SOS2: variants seen among roughly 807,000 people sequenced by gnomAD.
SOS2 encodes son of sevenless homolog 2.
SOS2 carries 65 observed loss-of-function variants against 148.2 expected under a neutral mutation model. The observed-to-expected ratio is 0.44, with a 90% CI of 0.36 to 0.54. The LOEUF is 0.54. SOS2 is among the 20% of genes least tolerant of loss of function. SOS2 has a pLI of 0.00. For missense variants in SOS2, 1,341 were observed against 1,590.2 expected (o/e 0.84, Z 2.67); for synonymous variants, 539 against 537.1 (o/e 1.00, Z -0.05).
chr14:50,188,602 G>A lies in SOS2; in HGVS notation c.609C>T (p.Val203=), dbSNP rs1393643553. 1 of 1,609,068 alleles carries A rather than the reference G, an allele frequency of 6.2e-7. No homozygotes were observed. Among genetic ancestry groups the A allele is most frequent in the Non-Finnish European group, 8.5e-7 (1 of 1,177,206 alleles). The change falls in exon 5 of 23, where the codon GTC becomes GTT. Residue 203 remains valine, a synonymous_variant. Transcript: ENST00000216373. ...SSGELNYYDL[V]RTEIAEERQY... is the part of the protein sequence containing the mutation. ...GTCTTTCTTCTGCGATTTCAGTTCT[G>A]ACAAGATCATAGTAGTTTAATTCAC...
chr14:50,195,623 T>G (rs1342923136), intron 4 of SOS2, among the ~76,000 whole-genome samples: 3 of 151,986 alleles, frequency 2.0e-5, no homozygotes, highest in African/African-American at 7.2e-5. Flanking sequence ...TAGCTGGGCA[T>G]GGTGGCAGGC....
intron 4 of SOS2, among the ~76,000 whole-genome samples, chr14:50,189,216 G>A (rs568304759): frequency 2.0e-5 from 3 of 148,630 alleles, no homozygotes; most frequent in South Asian, 4.2e-4. Flanking sequence ...AAATAAAATC[G>A]AGTATGGCAA....
chr14:50,173,959 T>C (rs950274222), intron 8 of SOS2, among the ~76,000 whole-genome samples: 2 of 152,110 alleles, frequency 1.3e-5, no homozygotes, highest in Middle Eastern at 3.4e-3. Flanking sequence ...GGTTTGACCA[T>C]ATAATTTAAA....
At chr14:50,132,126 C>A (rs534259777) in intron 19 of SOS2, among the ~76,000 whole-genome samples, 1 of 152,048 alleles carries the variant, frequency 6.6e-6, no homozygotes, top group African/African-American at 2.4e-5. Context: ...AAATGAAACA[C>A]GGTTTCCCAG....
chr14:50,218,613 A>G (rs746266916), intron 1 of SOS2, among the ~76,000 whole-genome samples: 19 of 152,186 alleles, frequency 1.2e-4, no homozygotes, highest in Middle Eastern at 6.3e-3. Flanking sequence ...CAAAGAAGAT[A>G]TATGGAAGGC....
At chr14:50,188,214 C>A (rs756291156) in intron 5 of SOS2, among the ~76,000 whole-genome samples, 107 of 151,952 alleles carry the variant, frequency 7.0e-4, no homozygotes, top group Non-Finnish European at 1.4e-3. Context: ...ACCAGCCTGG[C>A]CAATATGAAG....
intron 11 of SOS2, 41 bp from the exon 12 acceptor site, chr14:50,157,162 A>T: frequency 6.3e-7 from 1 of 1,587,742 alleles, no homozygotes; most frequent in South Asian, 1.1e-5. Context: ...GTTCATACAT[A>T]ATGAAAATAC....
In SOS2 at chr14:50,157,050, C is replaced by T. The variant is rs1884844312; in HGVS notation, c.2006G>A (p.Ser669Asn). 1 of 1,612,612 alleles carries T rather than the reference C, an allele frequency of 6.2e-7. No individual in the cohort carries two copies. The highest frequency in any genetic ancestry group is 8.5e-7 in the Non-Finnish European group (1 of 1,179,254). The change falls in exon 12 of 23, where the codon AGT becomes AAT. Residue 669 changes from serine to asparagine, a missense_variant. This residue lies in a region of SOS2 where 408 missense variants were observed against 506.6 expected (regional missense o/e 0.81). Coordinates refer to ENST00000216373, the MANE Select transcript of SOS2 (RefSeq NM_006939.4). ...LAIEKGEQPISADLKRFRKEY... is the reference protein window; with the variant it reads ...LAIEKGEQPINADLKRFRKEY... ...CTTGCGAAATCTTTTAAGGTCTGCA[C>T]TGATTGGCTGCTCGCCTTTCTCTAT...
chr14:50,176,994 A>G (rs554288422), intron 7 of SOS2, among the ~76,000 whole-genome samples: 2 of 152,320 alleles, frequency 1.3e-5, no homozygotes, highest in African/African-American at 4.8e-5. Context: ...TGGGTGAAAG[A>G]GCGAGATTCC....
rs1883335710 is a variant in SOS2, at chr14:50,117,730, CTT to C, written c.*612_*613del. 6.6e-6 allele frequency: 1 copy of C among 152,178 alleles called. No individual in the cohort carries two copies. Among genetic ancestry groups the C allele is most frequent in the Non-Finnish European group, 1.5e-5 (1 of 68,054 alleles). The allele number at this position is 152,178 out of a possible 1,614,324, so 9.4% of individuals were successfully genotyped here. On this transcript the variant is annotated 3_prime_UTR_variant, in exon 23 of 23. Coordinates refer to ENST00000216373, the MANE Select transcript of SOS2 (RefSeq NM_006939.4). Reference sequence around the variant, plus strand: ...TCCCTCCATCATTGGGTTATGTAGTCTTTGTTTACATTTTGACAAAATAATAA... The same window carrying C: ...TCCCTCCATCATTGGGTTATGTAGTCTGTTTACATTTTGACAAAATAATAA...
chr14:50,185,108 G>A (rs1025006588), intron 5 of SOS2, among the ~76,000 whole-genome samples: 2 of 152,120 alleles, frequency 1.3e-5, no homozygotes, highest in Admixed American at 6.5e-5. Context: ...TGAGCTGTTC[G>A]ACCAAATTAA....
intron 5 of SOS2, among the ~76,000 whole-genome samples, chr14:50,182,941 A>G (rs914968958): frequency 1.3e-5 from 2 of 152,224 alleles, no homozygotes; most frequent in Admixed American, 6.5e-5. Context: ...TAAACTATAG[A>G]ATTTCTTTAA....
At chr14:50,174,407 A>G in intron 8 of SOS2, 47 bp downstream of exon 8, 1 of 982,112 alleles carries the variant, frequency 1.0e-6, no homozygotes, top group Non-Finnish European at 1.5e-6. Context: ...TAAAAAGTAA[A>G]CTCTTCTATT....
At chr14:50,138,219 C>T (rs1305953063) in intron 18 of SOS2, among the ~76,000 whole-genome samples, 2 of 148,856 alleles carry the variant, frequency 1.3e-5, no homozygotes, top group Non-Finnish European at 3.0e-5. Flanking sequence ...TGCAGTGGCG[C>T]TATCTCGGCT....
chr14:50,121,458 A>G (rs1883504674), intron 21 of SOS2, among the ~76,000 whole-genome samples: 1 of 147,150 alleles, frequency 6.8e-6, no homozygotes, highest in South Asian at 2.1e-4. Context: ...ATCCAAGTAG[A>G]TATGTCAAAC....
At chr14:50,185,416 G>A (rs1271579217) in intron 5 of SOS2, among the ~76,000 whole-genome samples, 1 of 152,126 alleles carries the variant, frequency 6.6e-6, no homozygotes, top group African/African-American at 2.4e-5. Flanking sequence ...GAGGGGTCAG[G>A]CGCGGTGGCT....
intron 4 of SOS2, among the ~76,000 whole-genome samples, chr14:50,194,133 A>C (rs575458557): frequency 6.6e-6 from 1 of 152,376 alleles, no homozygotes; most frequent in Admixed American, 6.5e-5. Context: ...GGACCAGCAA[A>C]CTACAGGCCA....
At chr14:50,162,294 T>A (rs1885035228) in intron 8 of SOS2, among the ~76,000 whole-genome samples, 1 of 151,896 alleles carries the variant, frequency 6.6e-6, no homozygotes, top group African/African-American at 2.4e-5. Context: ...TGCCACCACA[T>A]CCAGCTAATT....
intron 10 of SOS2, 123 bp downstream of exon 10, chr14:50,159,308 T>C (rs1328090831): frequency 1.7e-6 from 1 of 575,592 alleles, no homozygotes; most frequent in African/African-American, 1.9e-5. Flanking sequence ...CTTTTGTTTT[T>C]GCAGTATTTT....
Sources: allele counts gnomAD v4.1 joint callset (sites outside exome capture counted in the v4.1 genomes callset), GRCh38; gene constraint gnomAD v4.1.1; regional missense constraint gnomAD v4.1.1; transcripts MANE v1.5; gene names NCBI Gene and HGNC (gene_info 2026-07-23, HGNC 2026-07-21).